Variants in CTU2 observed in about 807,000 individuals in gnomAD.
CTU2 encodes cytosolic thiouridylase subunit 2, also known as cytoplasmic tRNA 2-thiolation protein 2.
A neutral mutation model predicts 64.1 loss-of-function variants in CTU2; 80 were observed. That is an observed-to-expected ratio of 1.25 (90% CI 1.04 to 1.50). The LOEUF (loss-of-function observed/expected upper bound fraction) is 1.50, where lower values mean the gene tolerates loss of function less well. CTU2 is among the 40% of genes most tolerant of loss of function. The pLI, the probability that CTU2 is intolerant of heterozygous loss-of-function variation, is 0.00. For missense variants in CTU2, 1,110 were observed against 690.2 expected, an observed-to-expected ratio of 1.61 and a Z score of -6.81; for synonymous variants, 482 against 285.3, an observed-to-expected ratio of 1.69 and a Z score of -6.95.
At chr16:88,713,512 GGA>G in intron 8 of CTU2, 65 bp downstream of exon 8, 1 of 1,540,588 alleles carries the variant, frequency 6.5e-7, no homozygotes, top group South Asian at 1.2e-5. Flanking sequence ...CACCTTTACT[GGA>G]GAGTAGCCTC....
Position 88,707,250 on chromosome 16 carries a change from C to T in CTU2, c.143+40C>T, listed in dbSNP as rs373754851. On this transcript the variant is annotated intron_variant, in intron 2 of 14. Coordinates refer to ENST00000453996, the MANE Select transcript of CTU2 (RefSeq NM_001012759.3). ...TGGCTGAGACCCTGGCAAACATGGCCTCGCTAGCAGACAGGATAGCCGCAA... is the reference window on the plus strand; with the variant it reads ...TGGCTGAGACCCTGGCAAACATGGCTTCGCTAGCAGACAGGATAGCCGCAA... The T allele has an allele frequency of 1.7e-4, 273 of 1,581,750 alleles. 1 individual carries two copies. The highest frequency in any genetic ancestry group is 5.2e-4 in the Admixed American group (31 of 59,926).
Position 88,714,168 on chromosome 16 carries a change from G to A in CTU2, c.1038G>A (p.Met346Ile), listed in dbSNP as rs763543064. 23 of 1,612,638 alleles carry A rather than the reference G, an allele frequency of 1.4e-5. No homozygotes were observed. Among genetic ancestry groups the A allele is most frequent in the Admixed American group, 1.2e-4 (7 of 60,002 alleles). ...APEKASIHRLMEAFILRLQTQ... is the reference protein window; with the variant it reads ...APEKASIHRLIEAFILRLQTQ... ...AAAAGGCCAGCATCCACCGGCTGAT[G>A]GAGGCCTTCATCCTCAGGCTGCAGA... is the stretch of plus-strand genomic sequence containing the variant. Residue 346 changes from methionine (M) to isoleucine (I), a missense_variant, in exon 10 of 15, where the codon ATG (methionine) becomes ATA (isoleucine). Coordinates refer to ENST00000453996, the MANE Select transcript of CTU2 (RefSeq NM_001012759.3).
chr16:88,712,099 G>T (rs368466028), intron 5 of CTU2, 175 bp from the exon 6 acceptor site: 2 of 717,542 alleles, frequency 2.8e-6, no homozygotes, highest in East Asian at 5.4e-5. Flanking sequence ...GCTGAGGTCA[G>T]CCGCAAGAGA....
Position 88,715,047 on chromosome 16 carries a change from G to A in CTU2, c.1420-1G>A, listed in dbSNP as rs752916256. On this transcript the variant is annotated splice_acceptor_variant, in intron 13 of 14. Coordinates refer to ENST00000453996, the MANE Select transcript of CTU2 (RefSeq NM_001012759.3). LOFTEE classifies it high-confidence loss of function. ...CCCCTCGACACCGGCCTCTGTTGCA[G>A]CCCTCACTGGACCCCCTGCCGCCGT... 56 of 1,574,130 alleles carry A rather than the reference G, an allele frequency of 3.6e-5. No individual in the cohort carries two copies. The highest frequency in any genetic ancestry group is 1.7e-4 in the Middle Eastern group (1 of 5,932).
intron 2 of CTU2, 124 bp from the exon 3 acceptor site, chr16:88,709,813 TG>T: frequency 1.2e-6 from 1 of 832,988 alleles, no homozygotes; most frequent in Non-Finnish European, 2.0e-6. Flanking sequence ...GGACAGAGCC[TG>T]GATGTGAAGA....
intron 5 of CTU2, 160 bp from the exon 6 acceptor site, chr16:88,712,114 C>T (rs1178102482): frequency 1.4e-6 from 1 of 731,134 alleles, no homozygotes; most frequent in African/African-American, 1.7e-5. Context: ...AAGAGAGAAA[C>T]CCCTGCCCAA....
intron 5 of CTU2, 104 bp from the exon 6 acceptor site, chr16:88,712,170 T>TGCGGA (rs1567648559): frequency 1.0e-6 from 1 of 975,606 alleles, no homozygotes; most frequent in Non-Finnish European, 1.6e-6. Context: ...AGCACCGCCC[T>TGCGGA]GCGGAGCGAG....
chr16:88,710,169 G>T, intron 3 of CTU2, 54 bp from the exon 4 acceptor site: 2 of 1,603,280 alleles, frequency 1.2e-6, no homozygotes, highest in South Asian at 1.1e-5. Context: ...ACGAGGTGGG[G>T]TGTCTGCCTG....
chr16:88,710,321 T>A, intron 4 of CTU2, 39 bp downstream of exon 4: 4 of 1,608,658 alleles, frequency 2.5e-6, no homozygotes, highest in Non-Finnish European at 3.4e-6. Context: ...GCTGCTGGGC[T>A]GAGCTTCAGG....
At position 88,715,181 on chromosome 16, in the gene CTU2, G is replaced by A. The variant is rs372766700; in HGVS notation, c.1479-1G>A. ...GGTGCCCACTGCAGCTTTCTCTCTA[G>A]GGCCTGGGGCTTGCAGGAGATCCGG... On this transcript the variant is annotated splice_acceptor_variant, in intron 14 of 14. Transcript: ENST00000453996. LOFTEE classifies it high-confidence loss of function. 3.7e-6 allele frequency: 6 copies of A among 1,612,012 alleles called. No homozygotes were observed. The African/African-American group carries it at 8.0e-5, about 22-fold the overall frequency.
At chr16:88,714,839 C>G (rs764045595) in intron 12 of CTU2, 21 bp from the exon 13 acceptor site, 7 of 1,612,310 alleles carry the variant, frequency 4.3e-6, no homozygotes, top group Non-Finnish European at 5.1e-6. Context: ...GGTGGGCACA[C>G]AGCCAGCTCT....
intron 4 of CTU2, chr16:88,711,016 G>A (rs1230759755): frequency 6.5e-6 from 1 of 153,780 alleles, no homozygotes; most frequent in African/African-American, 2.4e-5. Flanking sequence ...GAGAGGTGCA[G>A]ACCGGAGGAG....
chr16:88,714,841 G>C lies in CTU2; in HGVS notation c.1353-19G>C, dbSNP rs1383630847. The C allele has an allele frequency of 6.2e-7, 1 of 1,612,354 alleles. No individual in the cohort carries two copies. The highest frequency in any genetic ancestry group is 8.5e-7 in the Non-Finnish European group (1 of 1,179,814). On this transcript the variant is annotated intron_variant, in intron 12 of 14. Transcript: ENST00000453996. ...ATTGAGGTGCCAAGGTGGGCACACA[G>C]CCAGCTCTGCTCCCGCAGGGAGGAC...
At chr16:88,712,463 C>G in intron 6 of CTU2, 80 bp downstream of exon 6, 1 of 1,450,024 alleles carries the variant, frequency 6.9e-7, no homozygotes, top group South Asian at 1.3e-5. Context: ...TCACTGGCCT[C>G]TCCCTCATCC....
At position 88,712,505 on chromosome 16, in the gene CTU2, G is replaced by T. The variant is rs183530610; in HGVS notation, c.454-117G>T. 488 of 1,472,846 alleles carry T rather than the reference G, an allele frequency of 3.3e-4. 5 individuals are homozygous for T. The Middle Eastern group carries it at 8.9e-3, about 27-fold the overall frequency. 91.2% of individuals were successfully genotyped at this position (1,472,846 alleles called of 1,614,324 possible). A position where few individuals can be genotyped will look rare whatever the true frequency, so the allele number is the denominator to read the frequency against. ...GCGGGGCTGTCGGTGGGGGGTGGGAGGCACCTGCCCGTGCCCCAGCCTCAC... is the reference window on the plus strand; with the variant it reads ...GCGGGGCTGTCGGTGGGGGGTGGGATGCACCTGCCCGTGCCCCAGCCTCAC... On this transcript the variant is annotated intron_variant, in intron 6 of 14. Transcript: ENST00000453996.
chr16:88,715,354 TA>T lies in CTU2; in HGVS notation c.*104del, dbSNP rs1911902132. ...GGACTGGCCTCTGATTGTCCATTTG[TA>T]TAAATAAAACATTTTTTAATTAAAA... On this transcript the variant is annotated 3_prime_UTR_variant, in exon 15 of 15. Transcript: ENST00000453996. 9 of 1,255,542 alleles carry T rather than the reference TA, an allele frequency of 7.2e-6. No individual in the cohort carries two copies. Among genetic ancestry groups the T allele is most frequent in the African/African-American group, 3.0e-5 (2 of 65,882 alleles). 77.8% of individuals were successfully genotyped at this position (1,255,542 alleles called of 1,614,324 possible). A position where few individuals can be genotyped will look rare whatever the true frequency, so the allele number is the denominator to read the frequency against.
rs371727934 is a variant in CTU2, at chr16:88,712,254, T to C, written c.344-20T>C. 4.4e-6 allele frequency: 7 copies of C among 1,577,416 alleles called. No homozygotes were observed. The African/African-American group carries it at 9.4e-5, about 21-fold the overall frequency. On this transcript the variant is annotated intron_variant, in intron 5 of 14. Coordinates refer to ENST00000453996, the MANE Select transcript of CTU2 (RefSeq NM_001012759.3). ...CTGGCTCCTCTCTGAGCCCTGACTCTTTCTGCCTGGGTTTTTCAGAGGGAG... is the reference window on the plus strand; with the variant it reads ...CTGGCTCCTCTCTGAGCCCTGACTCCTTCTGCCTGGGTTTTTCAGAGGGAG...
chr16:88,709,920 C>G lies in CTU2; in HGVS notation c.144-18C>G, dbSNP rs750638030. ...TGCGGGTAGCAGGCGGTTCCCTCAT[C>G]TCAGGTCTGTGTTGCAGGGACTGTT... On this transcript the variant is annotated intron_variant, in intron 2 of 14. Coordinates refer to ENST00000453996, the MANE Select transcript of CTU2 (RefSeq NM_001012759.3). 2.5e-6 allele frequency: 4 copies of G among 1,612,416 alleles called. No individual in the cohort carries two copies. Among genetic ancestry groups the G allele is most frequent in the South Asian group, 1.1e-5 (1 of 91,054 alleles).
intron 9 of CTU2, among the ~76,000 whole-genome samples, 161 bp from the exon 10 acceptor site, chr16:88,713,975 C>T (rs546975305): frequency 1.3e-5 from 2 of 152,350 alleles, no homozygotes; most frequent in Admixed American, 1.3e-4. Flanking sequence ...ACAGTGGGTG[C>T]ACTGCTGAAG....
Sources: gnomAD v4.1 joint callset for allele counts (sites outside exome capture counted in the v4.1 genomes callset) on GRCh38, gnomAD v4.1.1 for gene constraint, MANE v1.5 for transcripts, NCBI Gene and HGNC (gene_info 2026-07-23, HGNC 2026-07-21) for gene names.